Variants in REV3L observed in about 807,000 individuals in gnomAD.
REV3L encodes the protein REV3 like, DNA directed polymerase zeta catalytic subunit.
In REV3L, 69 loss-of-function variants were observed where a neutral mutation model predicts 299.4. The observed-to-expected ratio is 0.23, with a 90% CI of 0.19 to 0.28. The LOEUF (loss-of-function observed/expected upper bound fraction) is 0.28, where lower values mean the gene tolerates loss of function less well. Ranked by LOEUF, REV3L falls within the 10% of genes least tolerant of loss-of-function variation. The pLI, the probability that REV3L is intolerant of heterozygous loss-of-function variation, is 1.00. For synonymous variants in REV3L, 1,238 were observed against 1,271.4 expected (o/e 0.97, Z 0.56); for missense variants, 3,128 against 3,693.8 (o/e 0.85, Z 3.97).
Position 111,375,793 on chromosome 6 carries a change from T to C in REV3L, c.2562A>G (p.Lys854=). Residue 854 remains lysine, a synonymous_variant, in exon 13 of 32, where the codon AAA becomes AAG. Transcript: ENST00000368802. ...STKSSETGST[K]DNFIQNNPCN... ...AAGGATTATTTTGTATAAAATTATCTTTTGTGGATCCAGTCTCACTACTTT... is the reference window on the plus strand; with the variant it reads ...AAGGATTATTTTGTATAAAATTATCCTTTGTGGATCCAGTCTCACTACTTT... 1.9e-6 allele frequency: 3 copies of C among 1,613,610 alleles called. No individual in the cohort carries two copies. Among genetic ancestry groups the C allele is most frequent in the Non-Finnish European group, 2.5e-6 (3 of 1,179,746 alleles).
intron 4 of REV3L, among the ~76,000 whole-genome samples, chr6:111,395,143 G>A (rs1023510109): frequency 6.6e-6 from 1 of 152,134 alleles, no homozygotes; most frequent in South Asian, 2.1e-4. Context: ...CAGGTAATAT[G>A]ATGTCTCCAA....
intron 3 of REV3L, among the ~76,000 whole-genome samples, chr6:111,410,789 A>G (rs940517227): frequency 1.3e-5 from 2 of 152,186 alleles, no homozygotes; most frequent in African/African-American, 4.8e-5. Flanking sequence ...TTTACAAAAA[A>G]GTTACTTTTT....
chr6:111,441,611 CATT>C (rs1468708832), intron 1 of REV3L, among the ~76,000 whole-genome samples: 1 of 152,188 alleles, frequency 6.6e-6, no homozygotes, highest in Non-Finnish European at 1.5e-5. Context: ...TGTTACTCAT[CATT>C]ATTTTAAATT....
intron 22 of REV3L, among the ~76,000 whole-genome samples, chr6:111,334,196 C>T (rs1202250441): frequency 6.6e-6 from 1 of 152,158 alleles, no homozygotes. Flanking sequence ...CCTTGGCCTC[C>T]TAAACTGCTG....
At chr6:111,331,892 T>G (rs1413515181) in intron 23 of REV3L, 108 bp from the exon 24 acceptor site, 7 of 722,428 alleles carry the variant, frequency 9.7e-6, no homozygotes, top group Non-Finnish European at 1.7e-5. Flanking sequence ...TTTTCAAACA[T>G]CTAAACAAGA....
chr6:111,428,107 T>C (rs181939308), intron 1 of REV3L, among the ~76,000 whole-genome samples: 24 of 150,554 alleles, frequency 1.6e-4, no homozygotes, highest in East Asian at 1.4e-3. Flanking sequence ...ACAAGCCAGA[T>C]AGAGAAGACT....
chr6:111,424,305 G>A (rs117403195), intron 1 of REV3L, among the ~76,000 whole-genome samples: 1,950 of 152,270 alleles, frequency 0.013, 16 homozygotes, highest in Non-Finnish European at 0.019. Flanking sequence ...TCAGAGATTG[G>A]TGGCAGGATG....
chr6:111,397,650 T>C (rs1235941670), intron 4 of REV3L, among the ~76,000 whole-genome samples: 1 of 152,104 alleles, frequency 6.6e-6, no homozygotes. Flanking sequence ...AGTTTATTTA[T>C]TTATTGAGAC....
chr6:111,466,299 T>C (rs886123132), intron 1 of REV3L, among the ~76,000 whole-genome samples: 8 of 152,150 alleles, frequency 5.3e-5, no homozygotes, highest in Non-Finnish European at 1.0e-4. Context: ...CATCAAAATA[T>C]ACAAATTTAA....
intron 1 of REV3L, among the ~76,000 whole-genome samples, chr6:111,425,705 A>G (rs1184967608): frequency 6.6e-6 from 1 of 152,188 alleles, no homozygotes; most frequent in East Asian, 1.9e-4. Flanking sequence ...GAAACTGTTC[A>G]TGAAGAAGCC....
intron 3 of REV3L, among the ~76,000 whole-genome samples, chr6:111,409,832 A>G (rs77864958): frequency 0.028 from 4,330 of 152,288 alleles, 75 homozygotes; most frequent in South Asian, 0.078. Context: ...GAGAGAAAAT[A>G]AATGGATGAA....
chr6:111,475,457 T>C (rs990865679), intron 1 of REV3L, among the ~76,000 whole-genome samples: 1 of 152,234 alleles, frequency 6.6e-6, no homozygotes, highest in Non-Finnish European at 1.5e-5. Flanking sequence ...AGAGTATGAA[T>C]ACTTTATAAT....
intron 1 of REV3L, among the ~76,000 whole-genome samples, chr6:111,442,893 G>C (rs1020600960): frequency 2.6e-5 from 4 of 152,282 alleles, no homozygotes; most frequent in South Asian, 2.1e-4. Context: ...CTCTCTCTCT[G>C]TGTGTATGTG....
chr6:111,376,718 G>A lies in REV3L; in HGVS notation c.1637C>T (p.Ser546Phe), dbSNP rs1358582399. The A allele has an allele frequency of 6.2e-7, 1 of 1,600,688 alleles. No homozygotes were observed. The highest frequency in any genetic ancestry group is 1.7e-5 in the Admixed American group (1 of 59,316). Residue 546 changes from serine to phenylalanine, a missense_variant, in exon 13 of 32, where the codon TCT (serine) becomes TTT (phenylalanine). Coordinates refer to ENST00000368802, the MANE Select transcript of REV3L (RefSeq NM_001372078.1). ...LNNENSRTHSSVIATSKLSVK... is the reference protein window; with the variant it reads ...LNNENSRTHSFVIATSKLSVK... ...TGAAAGCTTGCTTGTTGCAATTACA[G>A]AAGAGTGGGTTCTAGAATTTTCATT...
At chr6:111,422,663 C>CGT (rs1433890437) in intron 1 of REV3L, among the ~76,000 whole-genome samples, 3 of 17,876 alleles carry the variant, frequency 1.7e-4, no homozygotes, top group Non-Finnish European at 3.9e-4. Context: ...TATATATATA[C>CGT]ATATATATAT....
At chr6:111,430,258 G>A (rs1786733655) in intron 1 of REV3L, 1 of 931,336 alleles carries the variant, frequency 1.1e-6, no homozygotes, top group Middle Eastern at 3.3e-4. Flanking sequence ...TGAATCAACT[G>A]GCGAGACAAT....
intron 1 of REV3L, among the ~76,000 whole-genome samples, chr6:111,471,587 T>C (rs1225810112): frequency 1.3e-5 from 2 of 152,228 alleles, no homozygotes; most frequent in Non-Finnish European, 2.9e-5. Context: ...ATGCCAGACA[T>C]TAGCTGGTTA....
chr6:111,423,083 C>A (rs1469232677), intron 1 of REV3L, among the ~76,000 whole-genome samples: 1 of 152,040 alleles, frequency 6.6e-6, no homozygotes, highest in Non-Finnish European at 1.5e-5. Flanking sequence ...GTCATAATTT[C>A]TCTACTCAAG....
At chr6:111,410,480 T>C (rs1330028515) in intron 3 of REV3L, among the ~76,000 whole-genome samples, 2 of 152,226 alleles carry the variant, frequency 1.3e-5, no homozygotes, top group Non-Finnish European at 2.9e-5. Context: ...AGGTTTACTC[T>C]CTTACCACTC....
Sources: allele counts gnomAD v4.1 joint callset (sites outside exome capture counted in the v4.1 genomes callset), GRCh38; gene constraint gnomAD v4.1.1; transcripts MANE v1.5; gene names NCBI Gene and HGNC (gene_info 2026-07-23, HGNC 2026-07-21).